RGS13: variants seen among roughly 807,000 people sequenced by gnomAD.
RGS13 encodes the protein regulator of G protein signaling 13, also known as regulator of G-protein signalling 13.
RGS13 carries 14 observed loss-of-function variants against 19.9 expected under a neutral mutation model. That is an observed-to-expected ratio of 0.70 (90% CI 0.46 to 1.10). The LOEUF is 1.10. Among genes scored for constraint, RGS13 ranks in the 50% least tolerant of loss-of-function variants. RGS13 has a pLI of 0.00. For missense variants in RGS13, 205 were observed against 187.1 expected, an observed-to-expected ratio of 1.10 and a Z score of -0.56; for synonymous variants, 60 against 56.8, an observed-to-expected ratio of 1.06 and a Z score of -0.25.
Position 192,659,733 on chromosome 1 carries a change from A to C in RGS13, c.*210A>C, listed in dbSNP as rs1663576954. 1 of 446,734 alleles carries C rather than the reference A, an allele frequency of 2.2e-6. No individual in the cohort carries two copies. The highest frequency in any genetic ancestry group is 3.9e-6 in the Non-Finnish European group (1 of 255,416). The allele number at this position is 446,734 out of a possible 1,614,324, so 27.7% of individuals were successfully genotyped here. A position where few individuals can be genotyped will look rare whatever the true frequency, so the allele number is the denominator to read the frequency against. ...GAATAACAAAATGTACAGCAAGCCTATGTAGTTCAATTAATATATAAGGAA... is the reference window on the plus strand; with the variant it reads ...GAATAACAAAATGTACAGCAAGCCTCTGTAGTTCAATTAATATATAAGGAA... On this transcript the variant is annotated 3_prime_UTR_variant, in exon 7 of 7. Coordinates refer to ENST00000391995, the MANE Select transcript of RGS13 (RefSeq NM_002927.5).
At chr1:192,659,036 T>C (rs1663552917) in intron 6 of RGS13, 1 of 228,818 alleles carries the variant, frequency 4.4e-6, no homozygotes, top group Non-Finnish European at 8.4e-6. Flanking sequence ...ACTTCCTGAT[T>C]TGTAGACTGC....
intron 5 of RGS13, among the ~76,000 whole-genome samples, chr1:192,649,585 C>A (rs1480157726): frequency 6.6e-6 from 1 of 152,026 alleles, no homozygotes; most frequent in Non-Finnish European, 1.5e-5. Context: ...CCAACAAGTC[C>A]AAAATCTTGG....
intron 5 of RGS13, among the ~76,000 whole-genome samples, chr1:192,657,748 C>A (rs938493010): frequency 6.6e-6 from 1 of 152,144 alleles, no homozygotes; most frequent in Non-Finnish European, 1.5e-5. Context: ...ATCACTCTTA[C>A]ATGGCTTGGA....
chr1:192,641,569 G>A (rs891807687), intron 3 of RGS13, among the ~76,000 whole-genome samples: 12 of 152,066 alleles, frequency 7.9e-5, no homozygotes, highest in African/African-American at 2.9e-4. Flanking sequence ...GACATTTTTT[G>A]ATCCTTTGCT....
chr1:192,647,636 A>C (rs1348020800), intron 4 of RGS13: 1 of 163,502 alleles, frequency 6.1e-6, no homozygotes, highest in Non-Finnish European at 1.3e-5. Flanking sequence ...TCAAAATACT[A>C]ATAGTGGTAA....
intron 3 of RGS13, among the ~76,000 whole-genome samples, chr1:192,638,695 A>C (rs1314850929): frequency 6.6e-6 from 1 of 152,140 alleles, no homozygotes; most frequent in Non-Finnish European, 1.5e-5. Context: ...GGAATACCAG[A>C]GAACTTCTTA....
intron 3 of RGS13, among the ~76,000 whole-genome samples, chr1:192,641,469 T>G (rs1443484008): frequency 6.6e-6 from 1 of 152,032 alleles, no homozygotes; most frequent in Non-Finnish European, 1.5e-5. Context: ...GGGCCTCATT[T>G]TCTCTTGCTT....
chr1:192,638,721 A>G (rs922000842), intron 3 of RGS13, among the ~76,000 whole-genome samples: 8 of 152,114 alleles, frequency 5.3e-5, no homozygotes, highest in Admixed American at 2.0e-4. Context: ...TATTTATTCT[A>G]TGCATAACAA....
rs978241558 is a variant in RGS13 at position 192,659,600 on chromosome 1, A to T, written c.*77A>T. 2.4e-5 allele frequency: 24 copies of T among 985,566 alleles called. No individual in the cohort carries two copies. The Admixed American group carries it at 6.5e-4, about 27-fold the overall frequency. The allele number at this position is 985,566 out of a possible 1,614,324, so 61.1% of individuals were successfully genotyped here. On this transcript the variant is annotated 3_prime_UTR_variant, in exon 7 of 7. Transcript: ENST00000391995. ...GATCTTTTTATTTAGAAACCCACAA[A>T]ATCAGAAACACAGTACAAATAAAAC... is the stretch of plus-strand genomic sequence containing the variant.
intron 5 of RGS13, among the ~76,000 whole-genome samples, chr1:192,656,232 G>A (rs1008744745): frequency 2.0e-5 from 3 of 152,024 alleles, no homozygotes; most frequent in Non-Finnish European, 4.4e-5. Context: ...CATTCCATGA[G>A]CCATAGATTT....
intron 4 of RGS13, chr1:192,645,186 G>T (rs117399772): frequency 1.3e-5 from 2 of 152,324 alleles, no homozygotes; most frequent in East Asian, 3.9e-4. Flanking sequence ...CACTGCACAG[G>T]TGCATCCAAG....
chr1:192,640,902 C>G (rs1663092392), intron 3 of RGS13, among the ~76,000 whole-genome samples: 1 of 152,082 alleles, frequency 6.6e-6, no homozygotes, highest in African/African-American at 2.4e-5. Context: ...TATTGGTTTT[C>G]CTTCTTTCTT....
rs368890453 is a variant in RGS13, at chr1:192,659,354, C to T, written c.311C>T (p.Ser104Leu). Residue 104 changes from serine (S) to leucine (L), a missense_variant, in exon 7 of 7, where the codon TCG (serine) becomes TTG (leucine). Transcript: ENST00000391995. Reference sequence around the variant, plus strand: ...ACTTTTCAGATTAACATTGACAGTTCGACAAGAGAGACTATCATCAGGAAC... The same window carrying T: ...ACTTTTCAGATTAACATTGACAGTTTGACAAGAGAGACTATCATCAGGAAC... ...QSPREINIDS[S>L]TRETIIRNIQ... is the part of the protein sequence containing the mutation. 7.9e-5 allele frequency: 127 copies of T among 1,610,324 alleles called. No homozygotes were observed. Among genetic ancestry groups the T allele is most frequent in the Middle Eastern group, 1.7e-4 (1 of 6,044 alleles).
chr1:192,645,834 TC>T (rs960430484), intron 4 of RGS13: 1 of 152,094 alleles, frequency 6.6e-6, no homozygotes, highest in Non-Finnish European at 1.5e-5. Flanking sequence ...CAATCATCTC[TC>T]CCCATAAATC....
intron 5 of RGS13, among the ~76,000 whole-genome samples, chr1:192,648,447 G>A (rs189954188): frequency 2.6e-3 from 390 of 152,158 alleles, no homozygotes; most frequent in African/African-American, 9.1e-3. Flanking sequence ...GGTAAGTATC[G>A]ACATTAACAT....
intron 6 of RGS13, 122 bp from the exon 7 acceptor site, chr1:192,659,216 A>G (rs919519448): frequency 1.7e-6 from 1 of 603,858 alleles, no homozygotes; most frequent in Non-Finnish European, 2.7e-6. Context: ...CTATAAAACT[A>G]CAAAGAAAAT....
intron 4 of RGS13, chr1:192,646,103 AT>A (rs1663215940): frequency 6.6e-6 from 1 of 152,182 alleles, no homozygotes; most frequent in South Asian, 2.1e-4. Context: ...ATACTATTTC[AT>A]GGAAATGTTT....
chr1:192,647,187 G>T (rs1232909484), intron 4 of RGS13: 1 of 152,128 alleles, frequency 6.6e-6, no homozygotes, highest in Non-Finnish European at 1.5e-5. Flanking sequence ...TTGGCTGGTG[G>T]CAGCGGCAAA....
In RGS13 at chr1:192,644,341, A is replaced by T; in HGVS notation, c.7A>T (p.Arg3Trp). ...ACTGTATTTCCTTAGAAAAATGAGC[A>T]GGCGGAATTGTTGGATTTGTAAGAT... MS[R>W]RNCWICKMCR... The change falls in exon 4 of 7, where the codon AGG (arginine) becomes TGG (tryptophan). Residue 3 changes from arginine to tryptophan, a missense_variant. Arg to Trp is a moderately radical substitution (Grantham distance 101). Transcript: ENST00000391995. 6.2e-7 allele frequency: 1 copy of T among 1,609,504 alleles called. No individual in the cohort carries two copies. Among genetic ancestry groups the T allele is most frequent in the Non-Finnish European group, 8.5e-7 (1 of 1,176,744 alleles).
Sources: gnomAD v4.1 joint callset for allele counts (sites outside exome capture counted in the v4.1 genomes callset) on GRCh38, gnomAD v4.1.1 for gene constraint, MANE v1.5 for transcripts, NCBI Gene and HGNC (gene_info 2026-07-23, HGNC 2026-07-21) for gene names.